TLL1: variants seen among roughly 807,000 people sequenced by gnomAD.
The protein encoded by TLL1 is tolloid-like protein 1.
TLL1 carries 49 observed loss-of-function variants against 128.2 expected under a neutral mutation model. The observed-to-expected ratio is 0.38, with a 90% CI of 0.30 to 0.48. The LOEUF (loss-of-function observed/expected upper bound fraction) is 0.48, where lower values mean the gene tolerates loss of function less well. TLL1 is among the 20% of genes least tolerant of loss of function. The pLI is 0.96. For synonymous variants in TLL1, 454 were observed against 418.8 expected (o/e 1.08, Z -1.03); for missense variants, 1,123 against 1,242.0 (o/e 0.90, Z 1.44).
At chr4:165,985,438 T>C (rs1044834835) in intron 1 of TLL1, among the ~76,000 whole-genome samples, 3 of 152,070 alleles carry the variant, frequency 2.0e-5, no homozygotes, top group Admixed American at 2.0e-4. Flanking sequence ...GACTTCACCC[T>C]TGGCAAAAGT....
rs191422108 is a variant in TLL1 at position 165,966,803 on chromosome 4, A to C, written c.170-22578A>C. On this transcript the variant is annotated intron_variant, in intron 1 of 20. Coordinates refer to ENST00000061240, the MANE Select transcript of TLL1 (RefSeq NM_012464.5). ...TATCACAAGGCAAATGGGGGCAGAG[A>C]GAGATCACAGGACCAGGGTGAAATT... Among the ~76,000 whole-genome samples, 791 of 152,298 alleles carry C rather than the reference A, an allele frequency of 5.2e-3. 12 individuals are homozygous for C. Among genetic ancestry groups the C allele is most frequent in the African/African-American group, 0.018 (736 of 41,582 alleles).
chr4:166,000,743 A>G (rs764515604), intron 5 of TLL1, among the ~76,000 whole-genome samples: 2 of 152,096 alleles, frequency 1.3e-5, no homozygotes, highest in African/African-American at 2.4e-5. Context: ...TTCATCTAAT[A>G]TATTTTTAGG....
At chr4:166,085,239 A>C (rs1172468309) in intron 18 of TLL1, among the ~76,000 whole-genome samples, 2 of 55,698 alleles carry the variant, frequency 3.6e-5, no homozygotes, top group Non-Finnish European at 3.7e-5. Context: ...GGATAATTTA[A>C]CTTTTTTTTT....
At chr4:166,016,290 G>T (rs1230658337) in intron 8 of TLL1, among the ~76,000 whole-genome samples, 1 of 151,904 alleles carries the variant, frequency 6.6e-6, no homozygotes, top group Non-Finnish European at 1.5e-5. Flanking sequence ...GTAACATTGG[G>T]CATATACTTT....
At chr4:165,982,811 G>A (rs911435336) in intron 1 of TLL1, among the ~76,000 whole-genome samples, 1 of 149,768 alleles carries the variant, frequency 6.7e-6, no homozygotes, top group Non-Finnish European at 1.5e-5. Flanking sequence ...CCAAGACCTA[G>A]TGTCAATATT....
At chr4:165,913,859 C>T (rs957231408) in intron 1 of TLL1, among the ~76,000 whole-genome samples, 10 of 151,854 alleles carry the variant, frequency 6.6e-5, no homozygotes, top group Admixed American at 3.3e-4. Context: ...ACAAAAAATA[C>T]AAAAAATGAC....
chr4:165,998,845 T>G (rs1737016769), intron 5 of TLL1, among the ~76,000 whole-genome samples: 1 of 152,022 alleles, frequency 6.6e-6, no homozygotes, highest in African/African-American at 2.4e-5. Context: ...TGTTGAATTC[T>G]CATTTTGTCC....
intron 9 of TLL1, among the ~76,000 whole-genome samples, chr4:166,033,255 A>G (rs1279638767): frequency 6.6e-6 from 1 of 152,180 alleles, no homozygotes; most frequent in Non-Finnish European, 1.5e-5. Context: ...TGTTTATTAT[A>G]ATAGTGAAAG....
intron 1 of TLL1, among the ~76,000 whole-genome samples, chr4:165,894,377 A>G (rs1011286468): frequency 2.0e-5 from 3 of 152,206 alleles, no homozygotes; most frequent in African/African-American, 2.4e-5. Flanking sequence ...GAATGACAGC[A>G]GATTTCTTAT....
chr4:165,991,497 A>T lies in TLL1; in HGVS notation c.281-1307A>T, dbSNP rs865789171. On this transcript the variant is annotated intron_variant, in intron 2 of 20. Coordinates refer to ENST00000061240, the MANE Select transcript of TLL1 (RefSeq NM_012464.5). ...TTACCTCATCTTTCTAAAATGTGCA[A>T]TGAAAAAATTTCAAAAATGTTTCTC... is the stretch of plus-strand genomic sequence containing the variant. Among the ~76,000 whole-genome samples the T allele has an allele frequency of 5.9e-5, 9 of 152,122 alleles. 1 individual carries two copies. The South Asian group carries it at 8.3e-4, about 14-fold the overall frequency.
intron 7 of TLL1, among the ~76,000 whole-genome samples, chr4:166,014,055 T>A (rs930285802): frequency 1.3e-5 from 2 of 151,908 alleles, no homozygotes; most frequent in African/African-American, 2.4e-5. Context: ...TAGTTTGCTA[T>A]TGGGGAAATA....
At chr4:166,094,674 TTTA>T (rs1212546505) in intron 19 of TLL1, among the ~76,000 whole-genome samples, 1 of 152,168 alleles carries the variant, frequency 6.6e-6, no homozygotes, top group African/African-American at 2.4e-5. Flanking sequence ...TTCCTGTTCC[TTTA>T]TTATTCTGAG....
At chr4:166,034,924 C>G (rs1560825526) in intron 9 of TLL1, among the ~76,000 whole-genome samples, 2 of 152,154 alleles carry the variant, frequency 1.3e-5, no homozygotes, top group South Asian at 4.1e-4. Context: ...TGCATTCTCA[C>G]TTGGCTGAAG....
In TLL1 at chr4:166,101,340, C is replaced by T; in HGVS notation, c.*464C>T. 5.5e-6 allele frequency: 1 copy of T among 183,416 alleles called. No individual in the cohort carries two copies. Among genetic ancestry groups the T allele is most frequent in the Non-Finnish European group, 1.1e-5 (1 of 87,242 alleles). 11.4% of individuals were successfully genotyped at this position (183,416 alleles called of 1,614,324 possible). ...ATCTTGGATACAGTGTAAACCAGAT[C>T]CATATAAGGTGAATGTGAAATGGGA... On this transcript the variant is annotated 3_prime_UTR_variant, in exon 21 of 21. Coordinates refer to ENST00000061240, the MANE Select transcript of TLL1 (RefSeq NM_012464.5).
At chr4:166,054,961 AC>A (rs1407818358) in intron 12 of TLL1, 114 bp from the exon 13 acceptor site, 1 of 795,902 alleles carries the variant, frequency 1.3e-6, no homozygotes, top group Non-Finnish European at 1.9e-6. Context: ...CTCATTTGAT[AC>A]AAATAACTTT....
At chr4:165,975,967 G>C (rs1268670323) in intron 1 of TLL1, among the ~76,000 whole-genome samples, 1 of 139,076 alleles carries the variant, frequency 7.2e-6, no homozygotes, top group East Asian at 2.1e-4. Context: ...GAATCCGGGA[G>C]GTAGAGGTTG....
chr4:166,007,636 G>A (rs567325063), intron 6 of TLL1, among the ~76,000 whole-genome samples: 3 of 151,820 alleles, frequency 2.0e-5, no homozygotes, highest in Non-Finnish European at 4.4e-5. Context: ...TACCAAAAGT[G>A]CAGTAAGATT....
At chr4:165,876,362 G>T (rs1411005587) in intron 1 of TLL1, among the ~76,000 whole-genome samples, 1 of 151,768 alleles carries the variant, frequency 6.6e-6, no homozygotes, top group Non-Finnish European at 1.5e-5. Context: ...ACTGAAATAA[G>T]GAAGATGGGG....
At chr4:165,919,382 CAAAAAAAAAAA>C (rs1163238067) in intron 1 of TLL1, among the ~76,000 whole-genome samples, 2 of 75,254 alleles carry the variant, frequency 2.7e-5, no homozygotes, top group Non-Finnish European at 5.8e-5. Flanking sequence ...GACCCTGCTT[CAAAAAAAAAAA>C]AAAAAAAGAA....
Sources: allele counts gnomAD v4.1 joint callset (sites outside exome capture counted in the v4.1 genomes callset), GRCh38; gene constraint gnomAD v4.1.1; transcripts MANE v1.5; gene names NCBI Gene and HGNC (gene_info 2026-07-23, HGNC 2026-07-21).